Variants in FTO observed in about 807,000 individuals in gnomAD.
FTO encodes alpha-ketoglutarate-dependent dioxygenase FTO.
A neutral mutation model predicts 63.9 loss-of-function variants in FTO; 47 were observed. The observed-to-expected ratio is 0.74, with a 90% confidence interval of 0.58 to 0.94. The LOEUF (loss-of-function observed/expected upper bound fraction) is 0.94, where lower values mean the gene tolerates loss of function less well. Ranked by LOEUF, FTO falls within the 40% of genes least tolerant of loss-of-function variation. The pLI, the probability that FTO is intolerant of heterozygous loss-of-function variation, is 0.00. For synonymous variants in FTO, 207 were observed against 224.4 expected, an observed-to-expected ratio of 0.92 and a Z score of 0.69; for missense variants, 562 against 618.1, an observed-to-expected ratio of 0.91 and a Z score of 0.96.
At chr16:53,713,843 GT>G (rs1401221674) in intron 1 of FTO, among the ~76,000 whole-genome samples, 1 of 152,136 alleles carries the variant, frequency 6.6e-6, no homozygotes, top group East Asian at 1.9e-4. Flanking sequence ...GATTCATCTT[GT>G]ATAATTGAAA....
At chr16:53,853,538 A>G (rs753437676) in intron 4 of FTO, among the ~76,000 whole-genome samples, 3 of 151,936 alleles carry the variant, frequency 2.0e-5, no homozygotes, top group Non-Finnish European at 2.9e-5. Context: ...ATGTGCCCAT[A>G]GCTTAGTGCC....
At position 53,910,788 on chromosome 16, in the gene FTO, G is replaced by A. The variant is rs1210199648; in HGVS notation, c.1239+21837G>A. On this transcript the variant is annotated intron_variant, in intron 7 of 8. Transcript: ENST00000471389. ...TGACCTCAGGGGATCCGCCTGCCTC[G>A]ACGTCCCAAAGTGCTGGGATTACAG... 2.6e-5 allele frequency among the ~76,000 whole-genome samples: 4 copies of A among 152,150 alleles called. No homozygotes were observed. In the East Asian group the frequency reaches 5.8e-4, roughly 22 times the overall value.
At chr16:53,743,260 G>T (rs1205514320) in intron 1 of FTO, among the ~76,000 whole-genome samples, 1 of 152,126 alleles carries the variant, frequency 6.6e-6, no homozygotes, top group Non-Finnish European at 1.5e-5. Flanking sequence ...ATGAAAGCTT[G>T]CTTGGCCACT....
intron 8 of FTO, among the ~76,000 whole-genome samples, chr16:54,100,893 T>TA (rs1299350877): frequency 1.6e-4 from 25 of 152,174 alleles, no homozygotes; most frequent in Admixed American, 1.4e-3. Flanking sequence ...CCGCACACTG[T>TA]AGCAGTAAAG....
intron 5 of FTO, among the ~76,000 whole-genome samples, chr16:53,875,556 TAGG>T (rs1390504291): frequency 6.6e-6 from 1 of 152,184 alleles, no homozygotes; most frequent in Non-Finnish European, 1.5e-5. Context: ...GAAAAACTAA[TAGG>T]AGATGGGAAC....
chr16:54,101,062 C>T (rs1489608854), intron 8 of FTO, among the ~76,000 whole-genome samples: 1 of 152,102 alleles, frequency 6.6e-6, no homozygotes, highest in Non-Finnish European at 1.5e-5. Flanking sequence ...GATCTGAGCA[C>T]TTTTACCCTC....
At chr16:53,959,847 G>A (rs1186885437) in intron 8 of FTO, among the ~76,000 whole-genome samples, 1 of 152,070 alleles carries the variant, frequency 6.6e-6, no homozygotes, top group African/African-American at 2.4e-5. Context: ...GAAGGAGGAA[G>A]ATGCCCAAAA....
intron 8 of FTO, among the ~76,000 whole-genome samples, chr16:54,022,710 G>C (rs2110850): frequency 1.0e-3 from 158 of 152,222 alleles, no homozygotes; most frequent in African/African-American, 3.2e-3. Context: ...AATACCACAA[G>C]AGTTCACAAA....
intron 8 of FTO, among the ~76,000 whole-genome samples, chr16:54,081,666 T>C (rs1450987820): frequency 2.0e-5 from 3 of 152,136 alleles, no homozygotes; most frequent in Non-Finnish European, 2.9e-5. Context: ...AGATAGGGCA[T>C]GTGTAGGAAT....
chr16:53,881,191 A>G (rs1055221903), intron 6 of FTO, among the ~76,000 whole-genome samples: 1 of 151,762 alleles, frequency 6.6e-6, no homozygotes, highest in African/African-American at 2.4e-5. Flanking sequence ...ACATACACAT[A>G]CAGACCATAG....
chr16:53,759,608 C>G (rs1273236577), intron 1 of FTO, among the ~76,000 whole-genome samples: 1 of 147,032 alleles, frequency 6.8e-6, no homozygotes, highest in Non-Finnish European at 1.5e-5. Context: ...GCAGGAGAAT[C>G]ACTTGAACCC....
Position 54,111,924 on chromosome 16 carries a change from C to T in FTO, c.*9C>T. 6.2e-7 allele frequency: 1 copy of T among 1,614,024 alleles called. No homozygotes were observed. Among genetic ancestry groups the T allele is most frequent in the Non-Finnish European group, 8.5e-7 (1 of 1,179,988 alleles). ...TGGAAGCAAAACCCTAGAAGGAGCA[C>T]AAGTCTCAGGCGGAGGAGAAAAAGA... On this transcript the variant is annotated 3_prime_UTR_variant, in exon 9 of 9. Transcript: ENST00000471389.
chr16:54,079,373 A>G (rs1599330215), intron 8 of FTO, among the ~76,000 whole-genome samples: 1 of 152,230 alleles, frequency 6.6e-6, no homozygotes, highest in East Asian at 1.9e-4. Context: ...AACTGGCCTC[A>G]AAGTGAAGCC....
intron 8 of FTO, among the ~76,000 whole-genome samples, chr16:54,088,251 G>A (rs1266014833): frequency 1.3e-5 from 2 of 152,022 alleles, no homozygotes; most frequent in Non-Finnish European, 2.9e-5. Flanking sequence ...CCCACATTGC[G>A]TTTTTACTCA....
intron 1 of FTO, among the ~76,000 whole-genome samples, chr16:53,732,112 G>A (rs2076286935): frequency 7.6e-6 from 1 of 131,320 alleles, no homozygotes. Flanking sequence ...GCAGTGGTGC[G>A]ATCCCGGCTC....
At chr16:53,795,703 G>A (rs2078046977) in intron 1 of FTO, among the ~76,000 whole-genome samples, 1 of 152,158 alleles carries the variant, frequency 6.6e-6, no homozygotes, top group South Asian at 2.1e-4. Context: ...TGTTGACGTT[G>A]TAGAATTTAA....
intron 7 of FTO, among the ~76,000 whole-genome samples, chr16:53,922,592 G>A (rs1052206953): frequency 6.6e-6 from 1 of 152,194 alleles, no homozygotes; most frequent in African/African-American, 2.4e-5. Flanking sequence ...ACTGTCATCT[G>A]AAAAATCCTT....
chr16:53,742,987 A>G (rs1488075355), intron 1 of FTO, among the ~76,000 whole-genome samples: 1 of 152,168 alleles, frequency 6.6e-6, no homozygotes, highest in South Asian at 2.1e-4. Context: ...CTTAAAAAAT[A>G]TAATTTTCTG....
chr16:54,106,393 A>G (rs1187122682), intron 8 of FTO, among the ~76,000 whole-genome samples: 2 of 151,192 alleles, frequency 1.3e-5, no homozygotes, highest in Admixed American at 6.6e-5. Context: ...TGGTTTATAG[A>G]GTGCTTTGAG....
Sources: gnomAD v4.1 joint callset for allele counts (sites outside exome capture counted in the v4.1 genomes callset) on GRCh38, gnomAD v4.1.1 for gene constraint, MANE v1.5 for transcripts, NCBI Gene and HGNC (gene_info 2026-07-23, HGNC 2026-07-21) for gene names.